GRIP1: variants seen among roughly 807,000 people sequenced by gnomAD.
GRIP1 encodes the protein glutamate receptor interacting protein 1, also known as glutamate receptor-interacting protein 1.
In GRIP1, 45 loss-of-function variants were observed where a neutral mutation model predicts 129.9. That is an observed-to-expected ratio of 0.35 (90% CI 0.27 to 0.44). The LOEUF (loss-of-function observed/expected upper bound fraction) is 0.44, where lower values mean the gene tolerates loss of function less well. Ranked by LOEUF, GRIP1 falls within the 20% of genes least tolerant of loss-of-function variation. GRIP1 has a pLI of 1.00. For missense variants in GRIP1, 1,196 were observed against 1,396.8 expected, an observed-to-expected ratio of 0.86 and a Z score of 2.29; for synonymous variants, 530 against 520.8, an observed-to-expected ratio of 1.02 and a Z score of -0.24.
chr12:66,566,884 T>A (rs1288777058), intron 2 of GRIP1, among the ~76,000 whole-genome samples: 1 of 152,242 alleles, frequency 6.6e-6, no homozygotes, highest in East Asian at 1.9e-4. Flanking sequence ...TCGAGGAATT[T>A]ACCCATTTCT....
chr12:66,738,179 T>C (rs1188986088), intron 1 of GRIP1, among the ~76,000 whole-genome samples: 1 of 151,218 alleles, frequency 6.6e-6, no homozygotes, highest in Non-Finnish European at 1.5e-5. Flanking sequence ...GGTAAGAACA[T>C]GGGAGCCTGG....
intron 8 of GRIP1, 92 bp downstream of exon 8, chr12:66,465,183 T>G: frequency 2.9e-6 from 3 of 1,034,026 alleles, no homozygotes; most frequent in Admixed American, 1.7e-5. Flanking sequence ...TGACCTCAGG[T>G]GATTCACCCG....
At chr12:66,993,482 T>G (rs2042423651) in intron 1 of GRIP1, among the ~76,000 whole-genome samples, 1 of 151,190 alleles carries the variant, frequency 6.6e-6, no homozygotes, top group Non-Finnish European at 1.5e-5. Context: ...AAAAAAAGAC[T>G]CAAATTGCTA....
At chr12:66,748,464 A>G (rs898203348) in intron 1 of GRIP1, among the ~76,000 whole-genome samples, 3 of 152,196 alleles carry the variant, frequency 2.0e-5, no homozygotes, top group African/African-American at 4.8e-5. Flanking sequence ...CTAATCTCAC[A>G]TGGTTCCCAT....
intron 7 of GRIP1, among the ~76,000 whole-genome samples, chr12:66,479,208 T>TAAA (rs1480750886): frequency 1.3e-5 from 2 of 151,112 alleles, no homozygotes; most frequent in Non-Finnish European, 2.9e-5. Context: ...AAGAATCAAA[T>TAAA]AGACACAATA....
At chr12:67,017,311 C>T (rs144119726) in intron 1 of GRIP1, among the ~76,000 whole-genome samples, 187 of 151,262 alleles carry the variant, frequency 1.2e-3, no homozygotes, top group Non-Finnish European at 2.0e-3. Context: ...TCTCGGTGGC[C>T]CCTTTTACTC....
At chr12:66,775,405 T>C (rs1020513293) in intron 1 of GRIP1, among the ~76,000 whole-genome samples, 2 of 152,212 alleles carry the variant, frequency 1.3e-5, no homozygotes, top group Non-Finnish European at 2.9e-5. Context: ...ATCATTCCCC[T>C]GGCCACATTT....
At chr12:66,685,769 T>C (rs570733178) in intron 1 of GRIP1, among the ~76,000 whole-genome samples, 1 of 152,272 alleles carries the variant, frequency 6.6e-6, no homozygotes, top group Admixed American at 6.5e-5. Flanking sequence ...TTATCACCCT[T>C]TCTTGTTTTA....
intron 9 of GRIP1, among the ~76,000 whole-genome samples, chr12:66,462,486 A>G (rs1253530401): frequency 6.6e-6 from 1 of 152,196 alleles, no homozygotes; most frequent in African/African-American, 2.4e-5. Context: ...AAATAGCACT[A>G]GCCTGAAAAT....
chr12:67,026,983 C>G (rs116228975), intron 1 of GRIP1, among the ~76,000 whole-genome samples: 1 of 152,050 alleles, frequency 6.6e-6, no homozygotes, highest in Non-Finnish European at 1.5e-5. Context: ...AGTGCAATGG[C>G]GCAATCACAG....
At chr12:66,428,771 T>A (rs1285797248) in intron 14 of GRIP1, among the ~76,000 whole-genome samples, 2 of 152,190 alleles carry the variant, frequency 1.3e-5, no homozygotes, top group Non-Finnish European at 2.9e-5. Flanking sequence ...GTGCCATGCC[T>A]GGTACAAAGT....
At chr12:66,570,667 C>G (rs771875270) in intron 2 of GRIP1, among the ~76,000 whole-genome samples, 4 of 152,182 alleles carry the variant, frequency 2.6e-5, no homozygotes. Context: ...GGGACCTTAA[C>G]TGGCACAGGC....
intron 1 of GRIP1, among the ~76,000 whole-genome samples, chr12:66,933,613 A>G (rs968592787): frequency 1.3e-5 from 2 of 152,164 alleles, no homozygotes; most frequent in Admixed American, 6.5e-5. Context: ...GGACACAATA[A>G]TGAAATGAAA....
chr12:66,822,008 G>GTA, intron 1 of GRIP1, among the ~76,000 whole-genome samples: 1 of 151,884 alleles, frequency 6.6e-6, no homozygotes, highest in East Asian at 1.9e-4. Flanking sequence ...TCTTGTGTGT[G>GTA]TGTGTGTGTG....
chr12:66,704,034 G>A (rs534490852), intron 1 of GRIP1, among the ~76,000 whole-genome samples: 17 of 152,082 alleles, frequency 1.1e-4, no homozygotes, highest in African/African-American at 4.1e-4. Context: ...AGAATAGATA[G>A]ACCTAAAGCA....
At chr12:66,568,509 A>C (rs991519429) in intron 2 of GRIP1, 4 of 181,594 alleles carry the variant, frequency 2.2e-5, no homozygotes, top group Non-Finnish European at 1.2e-5. Flanking sequence ...CATCATGTGA[A>C]TCAAGAGTCA....
At chr12:66,382,556 AAGG>A (rs2056160335) in intron 19 of GRIP1, among the ~76,000 whole-genome samples, 1 of 152,152 alleles carries the variant, frequency 6.6e-6, no homozygotes, top group East Asian at 1.9e-4. Flanking sequence ...CCTAGAACAC[AAGG>A]AGGTTTTAAT....
chr12:66,939,717 T>G (rs1251805829), intron 1 of GRIP1, among the ~76,000 whole-genome samples: 1 of 152,180 alleles, frequency 6.6e-6, no homozygotes, highest in African/African-American at 2.4e-5. Context: ...AGTATTCCCA[T>G]GAAACCATGG....
chr12:66,352,712 C>CAGAGTGAGAT (rs1491463057), intron 24 of GRIP1, among the ~76,000 whole-genome samples: 10 of 34,756 alleles, frequency 2.9e-4, no homozygotes, highest in African/African-American at 5.1e-4. Context: ...CAGCCTGAGA[C>CAGAGTGAGAT]TCTGTCTCAA....
Sources: gnomAD v4.1 joint callset for allele counts (sites outside exome capture counted in the v4.1 genomes callset) on GRCh38, gnomAD v4.1.1 for gene constraint, MANE v1.5 for transcripts, NCBI Gene and HGNC (gene_info 2026-07-23, HGNC 2026-07-21) for gene names.